Variants in TMEM132D observed in about 807,000 individuals in gnomAD.
The protein encoded by TMEM132D is transmembrane protein 132D, also known as mature OL transmembrane protein.
TMEM132D carries 21 observed loss-of-function variants against 62.3 expected under a neutral mutation model. That is an observed-to-expected ratio of 0.34 (90% CI 0.24 to 0.49). TMEM132D has a LOEUF of 0.49. TMEM132D is among the 20% of genes least tolerant of loss of function. The pLI is 0.99. For missense variants in TMEM132D, 1,346 were observed against 1,402.8 expected (o/e 0.96, Z 0.65); for synonymous variants, 621 against 575.6 (o/e 1.08, Z -1.13).
intron 3 of TMEM132D, among the ~76,000 whole-genome samples, chr12:129,523,098 A>G (rs1197226570): frequency 7.2e-6 from 1 of 138,822 alleles, no homozygotes; most frequent in African/African-American, 2.6e-5. Context: ...ACATGTGTGC[A>G]TACACACGCA....
chr12:129,643,007 C>A (rs760724059), intron 2 of TMEM132D, among the ~76,000 whole-genome samples: 2 of 146,036 alleles, frequency 1.4e-5, no homozygotes, highest in Non-Finnish European at 1.5e-5. Context: ...TCACTGCAAC[C>A]TCTGCCTCCC....
intron 2 of TMEM132D, among the ~76,000 whole-genome samples, chr12:129,652,057 T>A (rs1278183262): frequency 6.6e-6 from 1 of 152,182 alleles, no homozygotes; most frequent in Non-Finnish European, 1.5e-5. Flanking sequence ...GACCTGCAGC[T>A]CTCAGTCAGC....
intron 5 of TMEM132D, among the ~76,000 whole-genome samples, chr12:129,122,020 C>T (rs1876081221): frequency 6.6e-6 from 1 of 152,178 alleles, no homozygotes. Flanking sequence ...GATTCTGGCC[C>T]TGTTCTTCCG....
At chr12:129,537,230 T>C (rs1181215542) in intron 2 of TMEM132D, among the ~76,000 whole-genome samples, 1 of 151,400 alleles carries the variant, frequency 6.6e-6, no homozygotes, top group Non-Finnish European at 1.5e-5. Flanking sequence ...AGTTGAACCA[T>C]GGGTTGGACT....
Position 129,872,419 on chromosome 12 carries a change from G to A in TMEM132D, c.79+30842C>T, listed in dbSNP as rs114384986. Among the ~76,000 whole-genome samples, 641 of 152,234 alleles carry A rather than the reference G, an allele frequency of 4.2e-3. 5 individuals are homozygous for A. The highest frequency in any genetic ancestry group is 0.015 in the African/African-American group (611 of 41,532). The stretch of plus-strand genomic sequence containing the variant: ...AGATTAAACATCACGATCCCCTGCC[G>A]TGCATCCCCTGCCTGGGGTCCCCAG... On this transcript the variant is annotated intron_variant, in intron 1 of 8. Coordinates refer to ENST00000422113, the MANE Select transcript of TMEM132D (RefSeq NM_133448.3).
intron 5 of TMEM132D, among the ~76,000 whole-genome samples, chr12:129,142,081 T>C (rs1320895782): frequency 1.3e-5 from 2 of 151,034 alleles, no homozygotes; most frequent in African/African-American, 4.9e-5. Flanking sequence ...CAAGTACCCA[T>C]TTGATGGAAA....
At chr12:129,586,397 G>T (rs1035209900) in intron 2 of TMEM132D, among the ~76,000 whole-genome samples, 40 of 152,124 alleles carry the variant, frequency 2.6e-4, no homozygotes, top group Non-Finnish European at 4.7e-4. Context: ...GGTGTTTTTG[G>T]CTATAGTGTC....
chr12:129,215,835 T>A (rs563263499), intron 4 of TMEM132D, among the ~76,000 whole-genome samples: 2 of 152,248 alleles, frequency 1.3e-5, no homozygotes, highest in Admixed American at 1.3e-4. Context: ...CAAAGGCATG[T>A]CTTACATGGC....
chr12:129,815,458 A>G (rs1306057025), intron 1 of TMEM132D, among the ~76,000 whole-genome samples: 1 of 152,224 alleles, frequency 6.6e-6, no homozygotes, highest in Non-Finnish European at 1.5e-5. Context: ...ATCACAACCG[A>G]ACCCAAGCCT....
intron 3 of TMEM132D, chr12:129,522,606 C>G (rs7970889): frequency 0.99 from 151,381 of 152,228 alleles, 75,275 homozygotes; most frequent in East Asian, 1. Flanking sequence ...ACAGTTAAGT[C>G]ATCAAAGGAA....
intron 1 of TMEM132D, among the ~76,000 whole-genome samples, chr12:129,756,920 CAG>C (rs1870186401): frequency 6.6e-6 from 1 of 152,146 alleles, no homozygotes; most frequent in South Asian, 2.1e-4. Flanking sequence ...TGGTGGATGT[CAG>C]AGTCTCTCTC....
chr12:129,716,576 A>G (rs1593132570), intron 1 of TMEM132D, among the ~76,000 whole-genome samples: 2 of 152,364 alleles, frequency 1.3e-5, no homozygotes, highest in East Asian at 3.9e-4. Context: ...TGTGGTAGGT[A>G]GAATAAGGGT....
chr12:129,296,612 C>T (rs4760029), intron 4 of TMEM132D, among the ~76,000 whole-genome samples: 82,803 of 152,044 alleles, frequency 0.54, 23,430 homozygotes, highest in East Asian at 0.99. Flanking sequence ...AAGTTTCCTA[C>T]ACCTTCCCAT....
At chr12:129,170,666 A>T (rs1877693979) in intron 5 of TMEM132D, among the ~76,000 whole-genome samples, 1 of 152,126 alleles carries the variant, frequency 6.6e-6, no homozygotes, top group Admixed American at 6.5e-5. Flanking sequence ...CTCTACTAAA[A>T]ATACAAAAAT....
At chr12:129,874,664 T>C (rs1354909387) in intron 1 of TMEM132D, among the ~76,000 whole-genome samples, 1 of 149,358 alleles carries the variant, frequency 6.7e-6, no homozygotes, top group Admixed American at 6.7e-5. Context: ...CTTACTTTTA[T>C]ACAGCCCCAA....
intron 3 of TMEM132D, among the ~76,000 whole-genome samples, chr12:129,500,651 T>C (rs1453213704): frequency 6.6e-6 from 1 of 152,208 alleles, no homozygotes; most frequent in Non-Finnish European, 1.5e-5. Context: ...TGGGCATCAC[T>C]TTAGGCACAA....
At chr12:129,771,612 C>T (rs918665452) in intron 1 of TMEM132D, among the ~76,000 whole-genome samples, 1 of 152,204 alleles carries the variant, frequency 6.6e-6, no homozygotes, top group South Asian at 2.1e-4. Flanking sequence ...TGTTCCTTAA[C>T]ACCAAGAATC....
At chr12:129,285,745 A>G (rs1248818743) in intron 4 of TMEM132D, among the ~76,000 whole-genome samples, 5 of 152,162 alleles carry the variant, frequency 3.3e-5, no homozygotes, top group Non-Finnish European at 7.3e-5. Flanking sequence ...CCTAAAATAC[A>G]GGTGTGAAAA....
At chr12:129,490,029 C>T in intron 3 of TMEM132D, among the ~76,000 whole-genome samples, 1 of 152,180 alleles carries the variant, frequency 6.6e-6, no homozygotes, top group Non-Finnish European at 1.5e-5. Flanking sequence ...TGAGGGCGCT[C>T]TTTATTAAAA....
Sources: gnomAD v4.1 joint callset for allele counts (sites outside exome capture counted in the v4.1 genomes callset) on GRCh38, gnomAD v4.1.1 for gene constraint, MANE v1.5 for transcripts, NCBI Gene and HGNC (gene_info 2026-07-23, HGNC 2026-07-21) for gene names.